Variants in NXPE4 observed in about 807,000 individuals in gnomAD.
The protein encoded by NXPE4 is neurexophilin and PC-esterase domain family member 4.
A neutral mutation model predicts 33.3 loss-of-function variants in NXPE4; 42 were observed. The ratio of observed to expected loss-of-function variants is 1.26; its 90% CI spans 0.98 to 1.63. NXPE4 has a LOEUF of 1.63. Among genes scored for constraint, NXPE4 ranks in the 40% most tolerant of loss-of-function variants. The probability of loss-of-function intolerance (pLI) is 0.00; values close to 1 mark genes in which losing one functional copy is unlikely to be tolerated. For missense variants in NXPE4, 709 were observed against 647.6 expected, an observed-to-expected ratio of 1.09 and a Z score of -1.03; for synonymous variants, 253 against 234.9, an observed-to-expected ratio of 1.08 and a Z score of -0.71.
At chr11:114,636,863 G>A in the NXPE4 span, among the ~76,000 whole-genome samples, 1 of 152,100 alleles carries the variant, frequency 6.6e-6, no homozygotes, top group East Asian at 1.9e-4. Flanking sequence ...TACATTTTCT[G>A]AGGAGAGGTT....
chr11:114,579,472 A>G (rs1407857640), intron 5 of NXPE4, among the ~76,000 whole-genome samples: 1 of 152,232 alleles, frequency 6.6e-6, no homozygotes, highest in Admixed American at 6.5e-5. Flanking sequence ...GTTTCTAAGT[A>G]GCATAGCCTA....
chr11:114,676,674 A>C, the NXPE4 span, among the ~76,000 whole-genome samples: 1 of 152,070 alleles, frequency 6.6e-6, no homozygotes, highest in Non-Finnish European at 1.5e-5. Flanking sequence ...AAATTAGTAC[A>C]GCCATTTTGG....
the NXPE4 span, among the ~76,000 whole-genome samples, chr11:114,634,871 G>T: frequency 2.0e-4 from 30 of 152,058 alleles, 1 homozygote; most frequent in Middle Eastern, 0.014. Flanking sequence ...CTGTAGCCGT[G>T]TAGTATAGTT....
At chr11:114,670,865 G>A in the NXPE4 span, among the ~76,000 whole-genome samples, 19 of 151,204 alleles carry the variant, frequency 1.3e-4, no homozygotes, top group Non-Finnish European at 4.4e-5. Context: ...AGGAGAAAAC[G>A]CAGGCAATGG....
chr11:114,580,125 G>A lies in NXPE4; in HGVS notation c.1099+7C>T, dbSNP rs757037392. 4 of 1,606,388 alleles carry A rather than the reference G, an allele frequency of 2.5e-6. No homozygotes were observed. In the South Asian group the frequency reaches 3.3e-5, roughly 13 times the overall value. On this transcript the variant is annotated splice_region_variant and intron_variant, in intron 5 of 5. Transcript: ENST00000375478. ...GGGTAAGAATTATAGCTTAGACTGA[G>A]GCATACTGTTGATACTGGCTTTGAA... is the stretch of plus-strand genomic sequence containing the variant.
upstream of NXPE4, among the ~76,000 whole-genome samples, chr11:114,599,064 C>A (rs188772607): frequency 3.6e-4 from 55 of 152,086 alleles, 1 homozygote; most frequent in East Asian, 6.6e-3. Flanking sequence ...AGTTTTACAT[C>A]TTTTTTTTGC....
At chr11:114,576,010 C>G (rs1459397090) in intron 5 of NXPE4, among the ~76,000 whole-genome samples, 1 of 152,108 alleles carries the variant, frequency 6.6e-6, no homozygotes, top group African/African-American at 2.4e-5. Context: ...GGCACATAGA[C>G]CAATGGAACA....
At chr11:114,633,030 T>A in the NXPE4 span, among the ~76,000 whole-genome samples, 1 of 112,544 alleles carries the variant, frequency 8.9e-6, no homozygotes, top group Non-Finnish European at 1.6e-5. Context: ...TATAATGTAA[T>A]ATTTTATTAT....
chr11:114,605,375 G>A, the NXPE4 span, among the ~76,000 whole-genome samples: 1 of 151,036 alleles, frequency 6.6e-6, no homozygotes, highest in Non-Finnish European at 1.5e-5. Context: ...TGCATAATAA[G>A]TATTGCCTAT....
At chr11:114,644,378 A>T in the NXPE4 span, among the ~76,000 whole-genome samples, 1 of 152,126 alleles carries the variant, frequency 6.6e-6, no homozygotes, top group Non-Finnish European at 1.5e-5. Context: ...TCAGTATGAT[A>T]TTGGCTGTGG....
the NXPE4 span, among the ~76,000 whole-genome samples, chr11:114,678,090 A>G: frequency 4.6e-5 from 7 of 152,066 alleles, no homozygotes; most frequent in East Asian, 1.3e-3. Context: ...AAAGTTTACA[A>G]AGAAAGCACT....
the NXPE4 span, among the ~76,000 whole-genome samples, chr11:114,625,227 A>G: frequency 6.6e-6 from 1 of 152,070 alleles, no homozygotes; most frequent in African/African-American, 2.4e-5. Context: ...CTGTTGGATA[A>G]TACGTATTGC....
intron 2 of NXPE4, among the ~76,000 whole-genome samples, chr11:114,592,540 C>T (rs970130262): frequency 7.9e-5 from 12 of 151,944 alleles, no homozygotes; most frequent in African/African-American, 2.7e-4. Context: ...CTCACACACA[C>T]ACACACAAAA....
chr11:114,609,733 T>C, the NXPE4 span, among the ~76,000 whole-genome samples: 1 of 151,656 alleles, frequency 6.6e-6, no homozygotes, highest in Admixed American at 6.6e-5. Flanking sequence ...TATTGCCTCA[T>C]GGATAACCAC....
chr11:114,598,494 C>A (rs896255852), upstream of NXPE4, among the ~76,000 whole-genome samples: 2 of 152,356 alleles, frequency 1.3e-5, no homozygotes, highest in East Asian at 3.9e-4. Flanking sequence ...ACTCCTGCAG[C>A]AGACTTCTGC....
the NXPE4 span, among the ~76,000 whole-genome samples, chr11:114,609,864 A>T: frequency 6.6e-6 from 1 of 151,744 alleles, no homozygotes; most frequent in African/African-American, 2.4e-5. Context: ...CCTCGCGGGT[A>T]ACCACTCTTA....
intron 2 of NXPE4, among the ~76,000 whole-genome samples, chr11:114,591,032 A>C (rs1355255751): frequency 1.3e-5 from 2 of 152,172 alleles, no homozygotes; most frequent in Non-Finnish European, 2.9e-5. Flanking sequence ...GTACAGATCT[A>C]TGAAGCCAGG....
At chr11:114,652,090 A>C in the NXPE4 span, among the ~76,000 whole-genome samples, 56 of 151,844 alleles carry the variant, frequency 3.7e-4, no homozygotes, top group Non-Finnish European at 7.1e-4. Flanking sequence ...CAATACTTAA[A>C]TTTTTTTTTA....
the NXPE4 span, among the ~76,000 whole-genome samples, chr11:114,626,518 C>A: frequency 6.6e-6 from 1 of 152,214 alleles, no homozygotes; most frequent in Non-Finnish European, 1.5e-5. Context: ...AAAAACCCAT[C>A]TGTACATCAC....
Sources: gnomAD v4.1 joint callset for allele counts (sites outside exome capture counted in the v4.1 genomes callset) on GRCh38, gnomAD v4.1.1 for gene constraint, MANE v1.5 for transcripts, NCBI Gene and HGNC (gene_info 2026-07-23, HGNC 2026-07-21) for gene names.